Variants in MCTP1 observed in about 807,000 individuals in gnomAD.
The protein encoded by MCTP1 is multiple C2 and transmembrane domain-containing protein 1.
Under a neutral mutation model 120.6 loss-of-function variants are expected in MCTP1, and 69 were observed. The observed-to-expected ratio is 0.57, with a 90% CI of 0.47 to 0.70. The LOEUF (loss-of-function observed/expected upper bound fraction) is 0.70. Ranked by LOEUF, MCTP1 falls within the 30% of genes least tolerant of loss-of-function variation. The pLI is 0.00. For synonymous variants in MCTP1, 529 were observed against 493.1 expected (o/e 1.07, Z -0.96); for missense variants, 1,203 against 1,248.8 (o/e 0.96, Z 0.55).
At chr5:95,130,978 G>T (rs554979483) in intron 1 of MCTP1, among the ~76,000 whole-genome samples, 2 of 152,102 alleles carry the variant, frequency 1.3e-5, no homozygotes, top group African/African-American at 4.8e-5. Context: ...TCCGGGACAC[G>T]TTTTGGTTTT....
chr5:95,083,606 A>G (rs1755198975), intron 1 of MCTP1, among the ~76,000 whole-genome samples: 1 of 152,174 alleles, frequency 6.6e-6, no homozygotes, highest in Admixed American at 6.5e-5. Flanking sequence ...TGGTTGTTGT[A>G]TCTGCTACCA....
intron 17 of MCTP1, among the ~76,000 whole-genome samples, chr5:94,822,757 C>A (rs1183813726): frequency 6.6e-6 from 1 of 152,140 alleles, no homozygotes; most frequent in East Asian, 1.9e-4. Context: ...TTCTAACTGG[C>A]ATGAGATGGT....
intron 1 of MCTP1, among the ~76,000 whole-genome samples, chr5:95,150,918 G>A (rs1361457369): frequency 2.0e-5 from 3 of 151,876 alleles, no homozygotes; most frequent in Admixed American, 6.6e-5. Flanking sequence ...GTCAATAAAC[G>A]CATATGTTGT....
intron 2 of MCTP1, among the ~76,000 whole-genome samples, chr5:94,977,903 C>T (rs1023750657): frequency 6.6e-6 from 1 of 151,992 alleles, no homozygotes; most frequent in Non-Finnish European, 1.5e-5. Context: ...GTGAGTATGA[C>T]ACCAAAAGCA....
chr5:94,985,004 T>C (rs1309280858), intron 2 of MCTP1, among the ~76,000 whole-genome samples: 1 of 152,222 alleles, frequency 6.6e-6, no homozygotes, highest in Non-Finnish European at 1.5e-5. Context: ...TTAAGTACTA[T>C]ACAAAAATGT....
At chr5:95,277,138 T>C (rs574886902) in intron 1 of MCTP1, among the ~76,000 whole-genome samples, 3 of 152,098 alleles carry the variant, frequency 2.0e-5, no homozygotes, top group East Asian at 1.9e-4. Flanking sequence ...GTGGGTGCAA[T>C]GTCAGAGGCC....
At chr5:95,071,562 T>C (rs1412665938) in intron 1 of MCTP1, among the ~76,000 whole-genome samples, 1 of 149,410 alleles carries the variant, frequency 6.7e-6, no homozygotes, top group African/African-American at 2.5e-5. Flanking sequence ...TAATTTGATA[T>C]GAGTGATATT....
At chr5:94,853,892 A>T (rs1331728675) in intron 17 of MCTP1, among the ~76,000 whole-genome samples, 1 of 151,886 alleles carries the variant, frequency 6.6e-6, no homozygotes, top group Non-Finnish European at 1.5e-5. Context: ...TCATCAGATT[A>T]TCTAGCTGAC....
rs566033810 is a variant in MCTP1 at position 94,708,521 on chromosome 5, A to C, written c.2919T>G (p.Asp973Glu). The change falls in exon 22 of 23, where the codon GAT (aspartate) becomes GAG (glutamate). Residue 973 changes from aspartate to glutamate, a missense_variant. Asp to Glu is a conservative substitution (Grantham distance 45). Coordinates refer to ENST00000515393, the MANE Select transcript of MCTP1 (RefSeq NM_024717.7). ...LLDFLSRVPS[D>E]VQVVQYQELK... ...AACGAAACCTACATACCACTTGTAC[A>C]TCTGAAGGGACTCTGGAAAGGAAGT... 6.3e-7 allele frequency: 1 copy of C among 1,595,044 alleles called. No individual in the cohort carries two copies. Among genetic ancestry groups the C allele is most frequent in the African/African-American group, 1.3e-5 (1 of 74,530 alleles).
chr5:95,199,557 T>C (rs975772474), intron 1 of MCTP1, among the ~76,000 whole-genome samples: 7 of 151,184 alleles, frequency 4.6e-5, no homozygotes, highest in Non-Finnish European at 7.4e-5. Flanking sequence ...GAATGGCTAT[T>C]ATGAAAAAGA....
chr5:94,983,787 C>T (rs942589901), intron 2 of MCTP1, among the ~76,000 whole-genome samples: 2 of 152,184 alleles, frequency 1.3e-5, no homozygotes, highest in African/African-American at 4.8e-5. Flanking sequence ...ACATGCTTTT[C>T]AATTTATGCC....
At chr5:95,261,043 C>T (rs1260121491) in intron 1 of MCTP1, among the ~76,000 whole-genome samples, 1 of 152,182 alleles carries the variant, frequency 6.6e-6, no homozygotes, top group Non-Finnish European at 1.5e-5. Context: ...AAGCTGAAGT[C>T]CCATTAGACT....
Position 95,147,375 on chromosome 5 carries a change from C to T in MCTP1, c.721-129891G>A, listed in dbSNP as rs182240923. ...TGCTGGGATTACAGGCGTGAGCCAC[C>T]GCGCCCAGCTATTGGGTGCTTATTT... On this transcript the variant is annotated intron_variant, in intron 1 of 22. Transcript: ENST00000515393. 8.7e-4 allele frequency among the ~76,000 whole-genome samples: 133 copies of T among 152,308 alleles called. 2 individuals are homozygous for T. Among genetic ancestry groups the T allele is most frequent in the Admixed American group, 7.8e-3 (120 of 15,294 alleles).
At position 94,871,009 on chromosome 5, in the gene MCTP1, G is replaced by A. The variant is rs2277012; in HGVS notation, c.2140-36C>T. On this transcript the variant is annotated intron_variant, in intron 14 of 22. Coordinates refer to ENST00000515393, the MANE Select transcript of MCTP1 (RefSeq NM_024717.7). ...AGGACATGACAGCCGTCTGTCTCGC[G>A]GTCTCTACTGAATACACTCCCTCAG... 5,406 of 1,527,296 alleles carry A rather than the reference G, an allele frequency of 3.5e-3. 76 individuals carry two copies. The East Asian group carries it at 0.037, about 10-fold the overall frequency. 94.6% of individuals were successfully genotyped at this position (1,527,296 alleles called of 1,614,324 possible).
chr5:95,064,744 A>C (rs1274300857), intron 1 of MCTP1, among the ~76,000 whole-genome samples: 1 of 152,216 alleles, frequency 6.6e-6, no homozygotes, highest in African/African-American at 2.4e-5. Context: ...GATCCATAGA[A>C]GTTCCCTTTG....
chr5:95,215,189 T>C (rs1221459165), intron 1 of MCTP1, among the ~76,000 whole-genome samples: 1 of 152,184 alleles, frequency 6.6e-6, no homozygotes, highest in Non-Finnish European at 1.5e-5. Flanking sequence ...CTCCAAGCAA[T>C]AGCTAAACCT....
intron 1 of MCTP1, among the ~76,000 whole-genome samples, chr5:95,021,296 A>G (rs768620764): frequency 6.6e-6 from 1 of 152,106 alleles, no homozygotes; most frequent in Admixed American, 6.6e-5. Flanking sequence ...ATAAAAACAA[A>G]TAGTGCTTGG....
intron 1 of MCTP1, among the ~76,000 whole-genome samples, chr5:95,098,402 C>T (rs775397812): frequency 1.2e-4 from 18 of 152,110 alleles, no homozygotes; most frequent in African/African-American, 4.3e-4. Flanking sequence ...TTCTGATATA[C>T]ATAAAGTATT....
intron 1 of MCTP1, among the ~76,000 whole-genome samples, chr5:95,035,834 T>A (rs1841198619): frequency 6.6e-6 from 1 of 152,114 alleles, no homozygotes; most frequent in Non-Finnish European, 1.5e-5. Context: ...TCAAATCATA[T>A]ATTATGCATA....
Sources: allele counts gnomAD v4.1 joint callset (sites outside exome capture counted in the v4.1 genomes callset), GRCh38; gene constraint gnomAD v4.1.1; transcripts MANE v1.5; gene names NCBI Gene and HGNC (gene_info 2026-07-23, HGNC 2026-07-21).